The following DOCK4 variants were observed in gnomAD, a reference collection of about 807,000 sequenced individuals.
DOCK4 encodes the protein dedicator of cytokinesis 4.
DOCK4 carries 97 observed loss-of-function variants against 268.1 expected under a neutral mutation model. The observed-to-expected ratio is 0.36, with a 90% confidence interval of 0.31 to 0.43. The LOEUF (loss-of-function observed/expected upper bound fraction) is 0.43, where lower values mean the gene tolerates loss of function less well. Among genes scored for constraint, DOCK4 ranks in the 20% least tolerant of loss-of-function variants. The pLI is 1.00. For synonymous variants in DOCK4, 954 were observed against 887.2 expected (o/e 1.08, Z -1.34); for missense variants, 2,145 against 2,455.7 (o/e 0.87, Z 2.67).
intron 1 of DOCK4, among the ~76,000 whole-genome samples, chr7:112,042,000 G>A (rs184291939): frequency 2.0e-4 from 31 of 152,272 alleles, no homozygotes; most frequent in African/African-American, 6.3e-4. Flanking sequence ...TGGCACACGC[G>A]TGTAGTCCTA....
intron 39 of DOCK4, 121 bp from the exon 40 acceptor site, chr7:111,760,443 A>T (rs1406452827): frequency 9.5e-7 from 1 of 1,051,768 alleles, no homozygotes; most frequent in African/African-American, 1.6e-5. Context: ...CTATAACAAA[A>T]ATTACGCTGG....
intron 1 of DOCK4, among the ~76,000 whole-genome samples, chr7:112,200,301 A>G (rs1363176228): frequency 6.6e-6 from 1 of 152,196 alleles, no homozygotes; most frequent in Admixed American, 6.5e-5. Context: ...ATATTTATAT[A>G]TATACTAGGT....
intron 22 of DOCK4, among the ~76,000 whole-genome samples, chr7:111,865,452 C>T (rs1805896163): frequency 6.6e-6 from 1 of 152,162 alleles, no homozygotes; most frequent in African/African-American, 2.4e-5. Context: ...GGAAAAAATG[C>T]AAAATGGAGC....
chr7:112,002,009 T>A (rs1389718008), intron 2 of DOCK4, among the ~76,000 whole-genome samples: 1 of 152,222 alleles, frequency 6.6e-6, no homozygotes, highest in African/African-American at 2.4e-5. Context: ...GGCAAAAAAA[T>A]TATTATACTA....
intron 50 of DOCK4, among the ~76,000 whole-genome samples, chr7:111,735,881 T>A (rs1322091944): frequency 6.6e-6 from 1 of 152,228 alleles, no homozygotes. Flanking sequence ...CTGGTGGGCA[T>A]GTTGAGAATT....
intron 1 of DOCK4, among the ~76,000 whole-genome samples, chr7:112,155,906 G>C (rs1233218608): frequency 6.6e-6 from 1 of 152,118 alleles, no homozygotes; most frequent in Non-Finnish European, 1.5e-5. Context: ...TAGTGCAATG[G>C]AGAAACTATA....
rs535485946 is a variant in DOCK4, at chr7:111,850,198, T to C, written c.2474-3072A>G. Among the ~76,000 whole-genome samples, 3 of 152,144 alleles carry C rather than the reference T, an allele frequency of 2.0e-5. No homozygotes were observed. In the South Asian group the frequency reaches 6.2e-4, roughly 31 times the overall value. ...AGTTGATAACACCCTTGATATCTGATTGGGTTCCTCATCCTCCACCATCCC... is the reference window on the plus strand; with the variant it reads ...AGTTGATAACACCCTTGATATCTGACTGGGTTCCTCATCCTCCACCATCCC... On this transcript the variant is annotated intron_variant, in intron 23 of 52. Transcript: ENST00000428084.
chr7:111,983,852 G>A (rs149870469), intron 7 of DOCK4, among the ~76,000 whole-genome samples: 13,072 of 79,496 alleles, frequency 0.16, 973 homozygotes, highest in East Asian at 0.39. Flanking sequence ...ACACGCGCGC[G>A]CGCGCGCGCG....
chr7:111,833,506 T>C (rs1803006259), intron 26 of DOCK4, among the ~76,000 whole-genome samples: 1 of 151,400 alleles, frequency 6.6e-6, no homozygotes, highest in African/African-American at 2.4e-5. Context: ...ATTGTACTAC[T>C]GCACTCCAGC....
intron 9 of DOCK4, among the ~76,000 whole-genome samples, 174 bp from the exon 10 acceptor site, chr7:111,945,045 C>T (rs907889171): frequency 1.3e-5 from 2 of 152,162 alleles, no homozygotes; most frequent in South Asian, 2.1e-4. Flanking sequence ...TTACAATCAA[C>T]CTTAGGTCAA....
chr7:111,881,693 T>A (rs1293354044), intron 16 of DOCK4, among the ~76,000 whole-genome samples: 4 of 152,146 alleles, frequency 2.6e-5, no homozygotes, highest in African/African-American at 9.7e-5. Context: ...CATCAACAGA[T>A]GAATGGATAA....
intron 1 of DOCK4, among the ~76,000 whole-genome samples, chr7:112,024,676 T>A (rs1047949432): frequency 1.3e-5 from 2 of 150,324 alleles, no homozygotes; most frequent in Non-Finnish European, 2.9e-5. Context: ...TTCAGAAACC[T>A]TGACCTCAGT....
chr7:111,937,065 T>C (rs1331145435), intron 11 of DOCK4, among the ~76,000 whole-genome samples: 2 of 152,166 alleles, frequency 1.3e-5, no homozygotes, highest in African/African-American at 4.8e-5. Flanking sequence ...GATAGTTAAG[T>C]GATTCCAGAA....
At chr7:111,964,542 A>C (rs1242765741) in intron 8 of DOCK4, among the ~76,000 whole-genome samples, 9 of 127,654 alleles carry the variant, frequency 7.1e-5, no homozygotes, top group Admixed American at 8.1e-5. Flanking sequence ...CCTCCAAGAA[A>C]TATGGGACTA....
chr7:111,848,492 C>T (rs552279542), intron 23 of DOCK4, among the ~76,000 whole-genome samples: 1 of 152,298 alleles, frequency 6.6e-6, no homozygotes, highest in Non-Finnish European at 1.5e-5. Flanking sequence ...CTTTTCAGAG[C>T]TTCCCACTCT....
At chr7:112,119,833 A>G (rs1363990859) in intron 1 of DOCK4, among the ~76,000 whole-genome samples, 1 of 151,686 alleles carries the variant, frequency 6.6e-6, no homozygotes, top group East Asian at 2.0e-4. Flanking sequence ...TTAGTGCTCA[A>G]TAAATGGGTA....
chr7:112,192,981 C>A (rs980511620), intron 1 of DOCK4, among the ~76,000 whole-genome samples: 1 of 152,156 alleles, frequency 6.6e-6, no homozygotes, highest in Non-Finnish European at 1.5e-5. Flanking sequence ...TTGCTTCATT[C>A]TCTTCAGGGA....
At chr7:112,151,261 T>G (rs1816041295) in intron 1 of DOCK4, among the ~76,000 whole-genome samples, 1 of 152,126 alleles carries the variant, frequency 6.6e-6, no homozygotes, top group African/African-American at 2.4e-5. Context: ...TACATTAGCC[T>G]CTTGTGGCTT....
intron 1 of DOCK4, among the ~76,000 whole-genome samples, chr7:112,201,948 T>C (rs933575973): frequency 7.9e-5 from 12 of 152,348 alleles, no homozygotes; most frequent in Admixed American, 4.6e-4. Context: ...GCAGTACTTA[T>C]CTTTCTGTGC....
Sources: gnomAD v4.1 joint callset for allele counts (sites outside exome capture counted in the v4.1 genomes callset) on GRCh38, gnomAD v4.1.1 for gene constraint, MANE v1.5 for transcripts, NCBI Gene and HGNC (gene_info 2026-07-23, HGNC 2026-07-21) for gene names.